The following SIK2 variants were observed in gnomAD, a reference collection of about 807,000 sequenced individuals.
The protein encoded by SIK2 is serine/threonine-protein kinase SIK2.
SIK2 carries 29 observed loss-of-function variants against 103.2 expected under a neutral mutation model. The observed-to-expected ratio is 0.28, with a 90% CI of 0.21 to 0.38. The LOEUF (loss-of-function observed/expected upper bound fraction) is 0.38, where lower values mean the gene tolerates loss of function less well. SIK2 is among the 10% of genes least tolerant of loss of function. The pLI, the probability that SIK2 is intolerant of heterozygous loss-of-function variation, is 1.00. For missense variants in SIK2, 879 were observed against 1,171.0 expected (o/e 0.75, Z 3.64); for synonymous variants, 412 against 446.1 (o/e 0.92, Z 0.96).
chr11:111,633,061 C>T (rs1044341826), intron 3 of SIK2, among the ~76,000 whole-genome samples: 1 of 152,186 alleles, frequency 6.6e-6, no homozygotes, highest in Admixed American at 6.6e-5. Flanking sequence ...CATAGCTAAG[C>T]TAATCTCCAT....
At chr11:111,658,868 G>A (rs1258971381) in intron 3 of SIK2, among the ~76,000 whole-genome samples, 6 of 152,166 alleles carry the variant, frequency 3.9e-5, no homozygotes, top group Non-Finnish European at 8.8e-5. Context: ...AACTCATTTG[G>A]GGAAGAGGTG....
At chr11:111,697,573 G>A (rs1446389392) in intron 4 of SIK2, among the ~76,000 whole-genome samples, 1 of 152,068 alleles carries the variant, frequency 6.6e-6, no homozygotes, top group Admixed American at 6.5e-5. Context: ...TTCAAATGAG[G>A]AAACCAAGGC....
Position 111,703,050 on chromosome 11 carries a change from T to C in SIK2, c.728-153T>C, listed in dbSNP as rs1279606039. 2.0e-5 allele frequency among the ~76,000 whole-genome samples: 3 copies of C among 152,240 alleles called. No homozygotes were observed. The East Asian group carries it at 5.8e-4, about 29-fold the overall frequency. On this transcript the variant is annotated intron_variant, in intron 6 of 14. Coordinates refer to ENST00000304987, the MANE Select transcript of SIK2 (RefSeq NM_015191.3). ...ACCATGTGAACTTGAGAAATATAAG[T>C]AGCCTGCATGTGTTCATTTATTCAT...
chr11:111,627,934 C>T (rs1941982571), intron 3 of SIK2, among the ~76,000 whole-genome samples: 2 of 152,306 alleles, frequency 1.3e-5, no homozygotes, highest in Non-Finnish European at 2.9e-5. Flanking sequence ...GCGAATCCTT[C>T]ATGTTTTACC....
chr11:111,667,329 C>T (rs1393581054), intron 3 of SIK2, among the ~76,000 whole-genome samples: 3 of 151,908 alleles, frequency 2.0e-5, no homozygotes, highest in South Asian at 2.1e-4. Context: ...AAATGAATAC[C>T]GATCCTAAAA....
In SIK2 at chr11:111,726,895, AT is replaced by A. The variant is rs1943985774; in HGVS notation, c.*2769del. On this transcript the variant is annotated 3_prime_UTR_variant, in exon 15 of 15. Coordinates refer to ENST00000304987, the MANE Select transcript of SIK2 (RefSeq NM_015191.3). ...TTGGTGAGATGAACGTGAGGTAAAA[AT>A]TTCGTTCGGCAAAAAGTGCAATATG... The A allele has an allele frequency of 6.8e-7, 1 of 1,473,866 alleles. No homozygotes were observed. Among genetic ancestry groups the A allele is most frequent in the African/African-American group, 1.4e-5 (1 of 72,016 alleles). The allele number at this position is 1,473,866 out of a possible 1,614,324, so 91.3% of individuals were successfully genotyped here.
chr11:111,636,656 T>C (rs77245783), intron 3 of SIK2, among the ~76,000 whole-genome samples: 2,759 of 152,294 alleles, frequency 0.018, 85 homozygotes, highest in African/African-American at 0.061. Flanking sequence ...CTCTTATACA[T>C]ACTTCAGCAA....
Position 111,602,624 on chromosome 11 carries a change from G to T in SIK2, c.61G>T (p.Asp21Tyr). 1 of 1,535,068 alleles carries T rather than the reference G, an allele frequency of 6.5e-7. No homozygotes were observed. Among genetic ancestry groups the T allele is most frequent in the Non-Finnish European group, 8.8e-7 (1 of 1,140,200 alleles). ...CGGGCCGGTCCGGGTGGGGTTCTACGACATCGAGGGCACGCTGGGCAAGGG... is the reference window on the plus strand; with the variant it reads ...CGGGCCGGTCCGGGTGGGGTTCTACTACATCGAGGGCACGCTGGGCAAGGG... ...QRGPVRVGFYDIEGTLGKGNF... is the reference protein window; with the variant it reads ...QRGPVRVGFYYIEGTLGKGNF... The change falls in exon 1 of 15, where the codon GAC (aspartate) becomes TAC (tyrosine). Residue 21 changes from aspartate (D) to tyrosine (Y), a missense_variant. Asp to Tyr is a radical substitution (Grantham distance 160). Coordinates refer to ENST00000304987, the MANE Select transcript of SIK2 (RefSeq NM_015191.3). This position sits in a 1 kb window ranked among gnomAD's most constrained non-coding sequence, Gnocchi z 4.5.
chr11:111,729,356 C>T lies in SIK2; in HGVS notation c.*5227C>T, dbSNP rs1297631909. 6.6e-6 allele frequency: 1 copy of T among 152,250 alleles called. No individual in the cohort carries two copies. Among genetic ancestry groups the T allele is most frequent in the Non-Finnish European group, 1.5e-5 (1 of 68,050 alleles). 9.4% of individuals were successfully genotyped at this position (152,250 alleles called of 1,614,324 possible). A position where few individuals can be genotyped will look rare whatever the true frequency, so the allele number is the denominator to read the frequency against. Reference sequence around the variant, plus strand: ...GTTCTGCCCAGATACTCTGCTCGCCCACCCACAAGGGAGCAATAGCTTATA... The same window carrying T: ...GTTCTGCCCAGATACTCTGCTCGCCTACCCACAAGGGAGCAATAGCTTATA... On this transcript the variant is annotated 3_prime_UTR_variant, in exon 15 of 15. Coordinates refer to ENST00000304987, the MANE Select transcript of SIK2 (RefSeq NM_015191.3).
rs1191419996 is a variant in SIK2 at position 111,602,519 on chromosome 11, G to A, written c.-45G>A. Reference sequence around the variant, plus strand: ...GCCAAGCCGCGCTGCCAACCCTCCCGCCCGCCCGCGCTCCTGTCCGCCGTG... The same window carrying A: ...GCCAAGCCGCGCTGCCAACCCTCCCACCCGCCCGCGCTCCTGTCCGCCGTG... On this transcript the variant is annotated 5_prime_UTR_variant, in exon 1 of 15. Transcript: ENST00000304987. This position sits in a 1 kb window ranked among gnomAD's most constrained non-coding sequence, Gnocchi z 4.5. 4.5e-5 allele frequency: 63 copies of A among 1,410,324 alleles called. No individual in the cohort carries two copies. Among genetic ancestry groups the A allele is most frequent in the Non-Finnish European group, 5.4e-5 (58 of 1,075,916 alleles). The allele number at this position is 1,410,324 out of a possible 1,614,324, so 87.4% of individuals were successfully genotyped here. A position where few individuals can be genotyped will look rare whatever the true frequency, so the allele number is the denominator to read the frequency against.
At chr11:111,718,264 G>A (rs980542148) in intron 9 of SIK2, among the ~76,000 whole-genome samples, 5 of 152,148 alleles carry the variant, frequency 3.3e-5, no homozygotes, top group Non-Finnish European at 2.9e-5. Context: ...AGAGAGTTAA[G>A]GAGCTTAGAG....
In SIK2 at chr11:111,703,433, T is replaced by A; in HGVS notation, c.948+10T>A. Reference sequence around the variant, plus strand: ...GCAGAAAACCATTGAGGTAAAGTGATCAGAGATTTCGGGGTTCTACTGCAC... The same window carrying A: ...GCAGAAAACCATTGAGGTAAAGTGAACAGAGATTTCGGGGTTCTACTGCAC... On this transcript the variant is annotated intron_variant, in intron 7 of 14. Transcript: ENST00000304987. 1 of 1,612,414 alleles carries A rather than the reference T, an allele frequency of 6.2e-7. No homozygotes were observed. Among genetic ancestry groups the A allele is most frequent in the Non-Finnish European group, 8.5e-7 (1 of 1,179,286 alleles).
Position 111,693,249 on chromosome 11 carries a change from G to T in SIK2, c.478+5087G>T, listed in dbSNP as rs946563237. Among the ~76,000 whole-genome samples, 3 of 151,844 alleles carry T rather than the reference G, an allele frequency of 2.0e-5. No homozygotes were observed. In the South Asian group the frequency reaches 6.2e-4, roughly 32 times the overall value. On this transcript the variant is annotated intron_variant, in intron 4 of 14. Coordinates refer to ENST00000304987, the MANE Select transcript of SIK2 (RefSeq NM_015191.3). ...CAGGAGGCTGAGGCAGGAGAGAATC[G>T]CTTGAACCAGGGAGTCAGAGGTTGC...
intron 8 of SIK2, among the ~76,000 whole-genome samples, chr11:111,711,852 T>G (rs1193673589): frequency 6.6e-6 from 1 of 152,210 alleles, no homozygotes; most frequent in Non-Finnish European, 1.5e-5. Flanking sequence ...TTTCTATTCT[T>G]TATCTGTCTG....
At chr11:111,607,361 A>G (rs575939493) in intron 1 of SIK2, among the ~76,000 whole-genome samples, 1 of 152,366 alleles carries the variant, frequency 6.6e-6, no homozygotes, top group South Asian at 2.1e-4. Context: ...AAAGGTTTTC[A>G]GAATTGTTAA....
Position 111,602,829 on chromosome 11 carries a change from C to T in SIK2, c.135+131C>T. The T allele has an allele frequency of 3.0e-6, 4 of 1,324,098 alleles. No individual in the cohort carries two copies. Among genetic ancestry groups the T allele is most frequent in the Non-Finnish European group, 3.9e-6 (4 of 1,024,376 alleles). 82.0% of individuals were successfully genotyped at this position (1,324,098 alleles called of 1,614,324 possible). A position where few individuals can be genotyped will look rare whatever the true frequency, so the allele number is the denominator to read the frequency against. On this transcript the variant is annotated intron_variant, in intron 1 of 14. Coordinates refer to ENST00000304987, the MANE Select transcript of SIK2 (RefSeq NM_015191.3). This position sits in a 1 kb window ranked among gnomAD's most constrained non-coding sequence, Gnocchi z 4.5. ...CGCCTCACTGGCGGAGGCGAGCGGG[C>T]CTGGGACTGTGAGGACCCAGGAGGT...
In SIK2 at chr11:111,703,173, G is replaced by A. The variant is rs757951550; in HGVS notation, c.728-30G>A. 15 of 1,602,890 alleles carry A rather than the reference G, an allele frequency of 9.4e-6. No homozygotes were observed. In the East Asian group the frequency reaches 3.1e-4, roughly 33 times the overall value. On this transcript the variant is annotated intron_variant, in intron 6 of 14. Transcript: ENST00000304987. The stretch of plus-strand genomic sequence containing the variant: ...AACCCTGAAGTGCAAGGTGATTCTT[G>A]TGACTTTTGTAACATTGTGTTTTCT...
In SIK2 at chr11:111,701,084, G is replaced by A; in HGVS notation, c.603+74G>A. ...CTTGGTGTTCTGGCCCATCTTAGAA[G>A]CTCCTGGTACTTAACACATAAGCAG... On this transcript the variant is annotated intron_variant, in intron 5 of 14. Transcript: ENST00000304987. The surrounding 1 kb of genome is among the most constrained non-coding windows in gnomAD (Gnocchi z 4.2). The A allele has an allele frequency of 6.5e-7, 1 of 1,549,188 alleles. No homozygotes were observed. Among genetic ancestry groups the A allele is most frequent in the East Asian group, 2.3e-5 (1 of 43,886 alleles).
intron 3 of SIK2, among the ~76,000 whole-genome samples, chr11:111,665,591 A>G (rs892585717): frequency 6.6e-6 from 1 of 152,152 alleles, no homozygotes; most frequent in Non-Finnish European, 1.5e-5. Flanking sequence ...TGGGATGCCA[A>G]GGCGGGCAGA....
Sources: gnomAD v4.1 joint callset for allele counts (sites outside exome capture counted in the v4.1 genomes callset) on GRCh38, gnomAD v4.1.1 for gene constraint, Gnocchi (gnomAD v3.1) non-coding constraint, MANE v1.5 for transcripts, NCBI Gene and HGNC (gene_info 2026-07-23, HGNC 2026-07-21) for gene names.